Variants in ZNF148 observed in about 807,000 individuals in gnomAD.
ZNF148 encodes the protein Beta-Enolase Repressor Factor-1.
ZNF148 carries 7 observed loss-of-function variants against 67.7 expected under a neutral mutation model. That is an observed-to-expected ratio of 0.10 (90% confidence interval 0.06 to 0.19). The LOEUF (loss-of-function observed/expected upper bound fraction) is 0.19, where lower values mean the gene tolerates loss of function less well. Among genes scored for constraint, ZNF148 ranks in the 10% least tolerant of loss-of-function variants. ZNF148 has a pLI of 1.00. For missense variants in ZNF148, 583 were observed against 947.1 expected (o/e 0.62, Z 5.05); for synonymous variants, 333 against 330.7 (o/e 1.01, Z -0.08).
intron 1 of ZNF148, among the ~76,000 whole-genome samples, chr3:125,348,722 G>T (rs1379469557): frequency 6.6e-6 from 1 of 152,060 alleles, no homozygotes; most frequent in Non-Finnish European, 1.5e-5. Context: ...AACCCCAATG[G>T]CATTTTTTAC....
chr3:125,274,164 A>G (rs1292234003), intron 7 of ZNF148, among the ~76,000 whole-genome samples: 3 of 152,220 alleles, frequency 2.0e-5, no homozygotes, highest in Non-Finnish European at 4.4e-5. Context: ...TTGATCCACA[A>G]GGAAATCTGC....
chr3:125,302,049 G>C (rs1399075375), intron 4 of ZNF148, among the ~76,000 whole-genome samples: 1 of 133,316 alleles, frequency 7.5e-6, no homozygotes, highest in African/African-American at 2.8e-5. Context: ...TGGGTGACAG[G>C]GCGAGACTCC....
At chr3:125,257,405 A>C (rs1937134471) in intron 7 of ZNF148, among the ~76,000 whole-genome samples, 1 of 151,948 alleles carries the variant, frequency 6.6e-6, no homozygotes, top group Admixed American at 6.5e-5. Flanking sequence ...AATACAAAAA[A>C]ATTAGCTGGA....
chr3:125,295,374 A>G (rs777592454), intron 4 of ZNF148, among the ~76,000 whole-genome samples: 1 of 150,922 alleles, frequency 6.6e-6, no homozygotes, highest in Non-Finnish European at 1.5e-5. Context: ...AATAGCTTGA[A>G]CCCAGGTGGC....
intron 7 of ZNF148, among the ~76,000 whole-genome samples, chr3:125,272,119 C>T (rs1022280509): frequency 1.3e-5 from 2 of 152,200 alleles, no homozygotes; most frequent in African/African-American, 4.8e-5. Context: ...AAGCCTAAAT[C>T]AAATTCACTC....
At chr3:125,298,618 A>ATTTTTTTTTT (rs11312460) in intron 4 of ZNF148, among the ~76,000 whole-genome samples, 1 of 102,658 alleles carries the variant, frequency 9.7e-6, no homozygotes, top group Non-Finnish European at 1.8e-5. Flanking sequence ...TTTATATTAA[A>ATTTTTTTTTT]TTTTTTTTTT....
At chr3:125,249,938 T>C (rs1936767106) in intron 7 of ZNF148, among the ~76,000 whole-genome samples, 1 of 152,006 alleles carries the variant, frequency 6.6e-6, no homozygotes, top group Non-Finnish European at 1.5e-5. Context: ...GAGACAAACA[T>C]GCATGATCTC....
At chr3:125,254,044 T>C (rs1256935090) in intron 7 of ZNF148, among the ~76,000 whole-genome samples, 2 of 152,166 alleles carry the variant, frequency 1.3e-5, no homozygotes, top group Non-Finnish European at 2.9e-5. Flanking sequence ...TGGAGATATG[T>C]GAAAAAAATT....
At chr3:125,277,174 T>C (rs1938120936) in intron 7 of ZNF148, among the ~76,000 whole-genome samples, 1 of 152,206 alleles carries the variant, frequency 6.6e-6, no homozygotes, top group African/African-American at 2.4e-5. Flanking sequence ...TTGGCAAAAA[T>C]AGATGCAAAT....
At chr3:125,346,637 T>C (rs1222665538) in intron 1 of ZNF148, among the ~76,000 whole-genome samples, 4 of 152,170 alleles carry the variant, frequency 2.6e-5, no homozygotes, top group Non-Finnish European at 5.9e-5. Flanking sequence ...TCTCAAAAGA[T>C]GTGATGGTTT....
rs936823099 is a variant in ZNF148, at chr3:125,243,048, A to G, written c.668-8719T>C. On this transcript the variant is annotated intron_variant, in intron 7 of 8. Transcript: ENST00000360647. The stretch of plus-strand genomic sequence containing the variant: ...GCTTATCTAGAATTAGAGGGAGGAG[A>G]GTTCTCTGAAGTGTTTATGTTAACT... Among the ~76,000 whole-genome samples, 2 of 152,186 alleles carry G rather than the reference A, an allele frequency of 1.3e-5. 1 individual carries two copies. The highest frequency in any genetic ancestry group is 4.8e-5 in the African/African-American group (2 of 41,440).
chr3:125,299,406 T>TCAAAGTGTG (rs1388256009), intron 4 of ZNF148, among the ~76,000 whole-genome samples: 9 of 152,238 alleles, frequency 5.9e-5, no homozygotes, highest in African/African-American at 1.9e-4. Flanking sequence ...GACTTACACC[T>TCAAAGTGTG]GTAATCCCAA....
At chr3:125,246,308 T>C (rs1936595475) in intron 7 of ZNF148, among the ~76,000 whole-genome samples, 1 of 151,586 alleles carries the variant, frequency 6.6e-6, no homozygotes, top group African/African-American at 2.4e-5. Flanking sequence ...TTACAAAGGG[T>C]AGACAATAAA....
At chr3:125,247,179 T>G (rs1247812126) in intron 7 of ZNF148, among the ~76,000 whole-genome samples, 1 of 152,116 alleles carries the variant, frequency 6.6e-6, no homozygotes, top group Non-Finnish European at 1.5e-5. Flanking sequence ...TATAGAATGG[T>G]TTTCTTTCCC....
intron 5 of ZNF148, among the ~76,000 whole-genome samples, chr3:125,281,308 A>G (rs1431520046): frequency 6.6e-6 from 1 of 152,244 alleles, no homozygotes; most frequent in Non-Finnish European, 1.5e-5. Flanking sequence ...TCCAAGTCAC[A>G]TAATAATAAG....
intron 7 of ZNF148, among the ~76,000 whole-genome samples, chr3:125,241,023 T>C (rs1349868978): frequency 6.6e-6 from 1 of 152,084 alleles, no homozygotes; most frequent in African/African-American, 2.4e-5. Context: ...TCCTTCCTTT[T>C]TTACTGTACC....
At chr3:125,339,852 T>C (rs1941642407) in intron 1 of ZNF148, among the ~76,000 whole-genome samples, 1 of 152,156 alleles carries the variant, frequency 6.6e-6, no homozygotes. Context: ...TATATACCAT[T>C]ATTTTCAGAC....
intron 5 of ZNF148, among the ~76,000 whole-genome samples, chr3:125,280,008 G>T (rs1056557372): frequency 2.6e-5 from 4 of 151,630 alleles, no homozygotes; most frequent in African/African-American, 9.7e-5. Context: ...AAAAAAAAGA[G>T]AACACTAACT....
chr3:125,340,595 C>G, intron 1 of ZNF148, among the ~76,000 whole-genome samples: 1 of 152,194 alleles, frequency 6.6e-6, no homozygotes, highest in East Asian at 1.9e-4. Context: ...ACCAAGTAGA[C>G]TGCAAAGTCT....
Sources: gnomAD v4.1 joint callset for allele counts (sites outside exome capture counted in the v4.1 genomes callset) on GRCh38, gnomAD v4.1.1 for gene constraint, MANE v1.5 for transcripts, NCBI Gene and HGNC (gene_info 2026-07-23, HGNC 2026-07-21) for gene names.